The following HS6ST1 variants were observed in gnomAD, a reference collection of about 807,000 sequenced individuals.
HS6ST1 encodes the protein heparan sulfate 6-O-sulfotransferase 1, also known as heparan-sulfate 6-O-sulfotransferase 1.
HS6ST1 carries 3 observed loss-of-function variants against 25.2 expected under a neutral mutation model. The observed-to-expected ratio is 0.12, with a 90% CI of 0.05 to 0.31. The LOEUF (loss-of-function observed/expected upper bound fraction) is 0.31, where lower values mean the gene tolerates loss of function less well. Among genes scored for constraint, HS6ST1 ranks in the 10% least tolerant of loss-of-function variants. The probability of loss-of-function intolerance (pLI) is 1.00; values close to 1 mark genes in which losing one functional copy is unlikely to be tolerated. For synonymous variants in HS6ST1, 204 were observed against 275.1 expected (o/e 0.74, Z 2.56); for missense variants, 310 against 609.6 (o/e 0.51, Z 5.18).
intron 1 of HS6ST1, among the ~76,000 whole-genome samples, chr2:128,280,680 T>C (rs1000205116): frequency 2.7e-5 from 4 of 149,312 alleles, no homozygotes; most frequent in Non-Finnish European, 5.9e-5. Context: ...GTGACGTCTG[T>C]AGAAGAGTAG....
At chr2:128,312,711 A>G (rs557075378) in intron 1 of HS6ST1, among the ~76,000 whole-genome samples, 1 of 152,340 alleles carries the variant, frequency 6.6e-6, no homozygotes, top group African/African-American at 2.4e-5. Context: ...AAGGCTTTGC[A>G]ATAAAAACCA....
intron 1 of HS6ST1, among the ~76,000 whole-genome samples, chr2:128,272,809 C>G (rs996664860): frequency 6.6e-6 from 1 of 152,184 alleles, no homozygotes; most frequent in Non-Finnish European, 1.5e-5. Flanking sequence ...AAGACAGACA[C>G]TCATTTGAAA....
chr2:128,287,657 C>T (rs1227230206), intron 1 of HS6ST1, among the ~76,000 whole-genome samples: 1 of 152,246 alleles, frequency 6.6e-6, no homozygotes, highest in African/African-American at 2.4e-5. Flanking sequence ...GAGGGGAGAA[C>T]AGGCGGATGG....
intron 1 of HS6ST1, among the ~76,000 whole-genome samples, chr2:128,302,794 T>A (rs561968194): frequency 3.3e-5 from 5 of 152,150 alleles, no homozygotes; most frequent in Non-Finnish European, 5.9e-5. Flanking sequence ...TGGTGGGGCC[T>A]CTTCCGCAAC....
chr2:128,309,425 T>C (rs893646842), intron 1 of HS6ST1, among the ~76,000 whole-genome samples: 14 of 152,186 alleles, frequency 9.2e-5, no homozygotes, highest in African/African-American at 3.1e-4. Flanking sequence ...GGCTGACCAG[T>C]GGAGAGCCCC....
chr2:128,290,817 C>CAAAAAAAAAAAAAAAAAA (rs57754041), intron 1 of HS6ST1, among the ~76,000 whole-genome samples: 2 of 60,546 alleles, frequency 3.3e-5, no homozygotes, highest in African/African-American at 7.1e-5. Context: ...ACTAAAAATA[C>CAAAAAAAAAAAAAAAAAA]AAAAAAAAAA....
chr2:128,314,699 G>T (rs13014395), intron 1 of HS6ST1, among the ~76,000 whole-genome samples: 24,647 of 152,186 alleles, frequency 0.16, 2,385 homozygotes, highest in Non-Finnish European at 0.22. Flanking sequence ...ACTGGTCTCT[G>T]CAGGGCAACG....
intron 1 of HS6ST1, among the ~76,000 whole-genome samples, chr2:128,298,901 G>GGA (rs2104929208): frequency 6.6e-6 from 1 of 152,354 alleles, no homozygotes; most frequent in South Asian, 2.1e-4. Context: ...TTCTCAGGAG[G>GGA]GAAAGCAGCA....
intron 1 of HS6ST1, among the ~76,000 whole-genome samples, chr2:128,269,635 T>C (rs933357958): frequency 6.6e-6 from 1 of 151,852 alleles, no homozygotes; most frequent in Non-Finnish European, 1.5e-5. Context: ...ATATGCCCGG[T>C]GTGTGTGTGT....
chr2:128,268,163 T>C lies in HS6ST1; in HGVS notation c.1235A>G (p.Ter412TrpextTer30), dbSNP rs777512258. ...DYMSHIIEKW* is the reference protein window; with the variant it reads ...DYMSHIIEKWW Reference sequence around the variant, plus strand: ...GCCTCCCCGTGGCCACCACCGCCACTACCACTTCTCAATGATGTGGCTCAT... The same window carrying C: ...GCCTCCCCGTGGCCACCACCGCCACCACCACTTCTCAATGATGTGGCTCAT... The change falls in exon 2 of 2, where the codon TAG (stop) becomes TGG (tryptophan). Residue 412 changes from the stop codon to tryptophan, a stop_lost. Transcript: ENST00000259241. 1 of 1,603,112 alleles carries C rather than the reference T, an allele frequency of 6.2e-7. No individual in the cohort carries two copies. Among genetic ancestry groups the C allele is most frequent in the Non-Finnish European group, 8.5e-7 (1 of 1,174,508 alleles).
intron 1 of HS6ST1, among the ~76,000 whole-genome samples, chr2:128,312,954 G>A (rs1694313507): frequency 2.0e-5 from 3 of 152,068 alleles, no homozygotes; most frequent in African/African-American, 2.4e-5. Flanking sequence ...TCCCAGCTAC[G>A]TGGGAGGCTG....
intron 1 of HS6ST1, among the ~76,000 whole-genome samples, chr2:128,295,699 T>A (rs1476082639): frequency 6.6e-6 from 1 of 152,068 alleles, no homozygotes; most frequent in Non-Finnish European, 1.5e-5. Flanking sequence ...ATCCCTAGAA[T>A]GAAAGGATGG....
intron 1 of HS6ST1, among the ~76,000 whole-genome samples, chr2:128,280,125 C>T (rs919789190): frequency 6.6e-6 from 1 of 152,240 alleles, no homozygotes; most frequent in Non-Finnish European, 1.5e-5. Flanking sequence ...GCCAACCCCA[C>T]CAGGGGCCCC....
In HS6ST1 at chr2:128,318,816, T is replaced by G. The variant is rs1175392335; in HGVS notation, c.-253A>C. On this transcript the variant is annotated 5_prime_UTR_variant, in exon 1 of 2. Coordinates refer to ENST00000259241, the MANE Select transcript of HS6ST1 (RefSeq NM_004807.3). The surrounding 1 kb of genome is among the most constrained non-coding windows in gnomAD (Gnocchi z 5.7). ...CCCGGCCCCGGCCAGCACAGCGCTCTCCGCGCCCCCAGCACCAGCCCGCTC... is the reference window on the plus strand; with the variant it reads ...CCCGGCCCCGGCCAGCACAGCGCTCGCCGCGCCCCCAGCACCAGCCCGCTC... Among the ~76,000 whole-genome samples the G allele has an allele frequency of 6.8e-6, 1 of 146,528 alleles. No homozygotes were observed. Among genetic ancestry groups the G allele is most frequent in the Non-Finnish European group, 1.5e-5 (1 of 66,050 alleles).
rs577588919 is a variant in HS6ST1 at position 128,291,117 on chromosome 2, T to C, written c.528-22247A>G. Among the ~76,000 whole-genome samples the C allele has an allele frequency of 2.0e-5, 3 of 152,372 alleles. No individual in the cohort carries two copies. The South Asian group carries it at 6.2e-4, about 32-fold the overall frequency. The stretch of plus-strand genomic sequence containing the variant: ...AAGATGTCCACTCTCTCTAAGGCAA[T>C]TCTGCATGTACTGGGGATCTCAGCT... On this transcript the variant is annotated intron_variant, in intron 1 of 1. Coordinates refer to ENST00000259241, the MANE Select transcript of HS6ST1 (RefSeq NM_004807.3).
rs1438095579 is a variant in HS6ST1, at chr2:128,268,301, T to C, written c.1097A>G (p.Glu366Gly). The change falls in exon 2 of 2, where the codon GAG becomes GGG. Residue 366 changes from glutamate to glycine, a missense_variant. Coordinates refer to ENST00000259241, the MANE Select transcript of HS6ST1 (RefSeq NM_004807.3). ...GCTCCTCAGGCGCTGCTCCCTGCGC[T>C]CCAGCTGCCGCTTGTACTGGTAGCG... ...QQRYQYKRQL[E>G]RREQRLRSRE... is the part of the protein sequence containing the mutation. 1.9e-5 allele frequency: 30 copies of C among 1,612,890 alleles called. No individual in the cohort carries two copies. Among genetic ancestry groups the C allele is most frequent in the Non-Finnish European group, 2.5e-5 (30 of 1,179,834 alleles).
At chr2:128,312,116 G>A (rs1241214884) in intron 1 of HS6ST1, among the ~76,000 whole-genome samples, 1 of 152,252 alleles carries the variant, frequency 6.6e-6, no homozygotes, top group African/African-American at 2.4e-5. Flanking sequence ...CCAGGTCTCA[G>A]AAGCCCTAGT....
chr2:128,309,511 GGCCCCT>G (rs1298826933), intron 1 of HS6ST1, among the ~76,000 whole-genome samples: 9 of 152,240 alleles, frequency 5.9e-5, no homozygotes, highest in Admixed American at 3.9e-4. Flanking sequence ...GGAGATAACA[GGCCCCT>G]GCCCCTGCCC....
intron 1 of HS6ST1, among the ~76,000 whole-genome samples, chr2:128,291,399 C>T (rs186280030): frequency 6.6e-5 from 10 of 152,226 alleles, no homozygotes; most frequent in Non-Finnish European, 1.0e-4. Flanking sequence ...AGGTTTGGGG[C>T]GGCCATGGCA....
Sources: allele counts gnomAD v4.1 joint callset (sites outside exome capture counted in the v4.1 genomes callset), GRCh38; gene constraint gnomAD v4.1.1; non-coding constraint Gnocchi (gnomAD v3.1); transcripts MANE v1.5; gene names NCBI Gene and HGNC (gene_info 2026-07-23, HGNC 2026-07-21).